The following ANHX variants were observed in gnomAD, a reference collection of about 807,000 sequenced individuals.
ANHX encodes the protein anomalous homeobox.
In ANHX, 20 loss-of-function variants were observed where a neutral mutation model predicts 38.9. That is an observed-to-expected ratio of 0.51 (90% CI 0.36 to 0.75). The LOEUF (loss-of-function observed/expected upper bound fraction) is 0.75. ANHX is among the 30% of genes least tolerant of loss of function. The pLI is 0.00. For synonymous variants in ANHX, 185 were observed against 203.1 expected, an observed-to-expected ratio of 0.91 and a Z score of 0.76; for missense variants, 475 against 493.1, an observed-to-expected ratio of 0.96 and a Z score of 0.35.
chr12:133,227,931 A>AGGGG lies in ANHX; in HGVS notation c.390_393dup (p.Ser132ProfsTer19). ...CTCTTCAGCCCCTCTGGGCAGAGGG[A>AGGGG]GGGGGGCGGGGGGTTCCTGGGTAAG... On this transcript the variant is annotated frameshift_variant, in exon 4 of 10. Coordinates refer to ENST00000545940, the MANE Select transcript of ANHX (RefSeq NM_001372060.1). LOFTEE classifies it high-confidence loss of function. 5 of 429,572 alleles carry AGGGG rather than the reference A, an allele frequency of 1.2e-5. No homozygotes were observed. The highest frequency in any genetic ancestry group is 5.8e-5 in the South Asian group (3 of 51,326). The allele number at this position is 429,572 out of a possible 1,614,324, so 26.6% of individuals were successfully genotyped here. A position where few individuals can be genotyped will look rare whatever the true frequency, so the allele number is the denominator to read the frequency against.
At chr12:133,235,775 C>T (rs1291668578) in intron 1 of ANHX, 32 bp downstream of exon 1, 1 of 141,050 alleles carries the variant, frequency 7.1e-6, no homozygotes, top group African/African-American at 2.7e-5. Context: ...GTCCCTCATC[C>T]TCCCGGACCC....
rs1225279687 is a variant in ANHX, at chr12:133,219,300, C to T, written c.1348G>A (p.Ala450Thr). ...GPVSAMELSQ[A>T]LPSSQVQCSD... ...AGCCTCACCTGGCTGGAGGGCAGGG[C>T]CTGGCTCAGCTCCATGGCAGACACA... Residue 450 changes from alanine (A) to threonine (T), a missense_variant, in exon 9 of 10, where the codon GCC (alanine) becomes ACC (threonine). Transcript: ENST00000545940. The T allele has an allele frequency of 4.6e-6, 7 of 1,535,416 alleles. No homozygotes were observed. In the Admixed American group the frequency reaches 1.2e-4, roughly 26 times the overall value.
Position 133,234,182 on chromosome 12 carries a change from C to T in ANHX, c.175G>A (p.Ala59Thr), listed in dbSNP as rs989441385. Residue 59 changes from alanine to threonine, a missense_variant, in exon 2 of 10, where the codon GCA becomes ACA. Coordinates refer to ENST00000545940, the MANE Select transcript of ANHX (RefSeq NM_001372060.1). ...SQLRLHLLDN[A>T]DVALACARVL... ...CGGGCGCACGCCAGGGCCACATCTG[C>T]GTTGTCCAGGAGATGCAGGCGGAGC... 56 of 1,536,066 alleles carry T rather than the reference C, an allele frequency of 3.6e-5. No individual in the cohort carries two copies. In the Middle Eastern group the frequency reaches 5.0e-4, roughly 14 times the overall value.
Position 133,234,330 on chromosome 12 carries a change from C to T in ANHX, c.27G>A (p.Lys9=). The T allele has an allele frequency of 6.5e-7, 1 of 1,535,998 alleles. No individual in the cohort carries two copies. Among genetic ancestry groups the T allele is most frequent in the Non-Finnish European group, 8.7e-7 (1 of 1,146,798 alleles). Residue 9 remains lysine, a synonymous_variant, in exon 2 of 10, where the codon AAG becomes AAA. Coordinates refer to ENST00000545940, the MANE Select transcript of ANHX (RefSeq NM_001372060.1). Reference sequence around the variant, plus strand: ...GGGGTGCACAGGTGTCCTCATGCTCCTTCAGCAGAGTCAGGAAGCTCTGCA... The same window carrying T: ...GGGGTGCACAGGTGTCCTCATGCTCTTTCAGCAGAGTCAGGAAGCTCTGCA... MQSFLTLL[K]EHEDTCAPPA...
At chr12:133,222,548 C>T (rs756718212) in intron 7 of ANHX, among the ~76,000 whole-genome samples, 2 of 152,112 alleles carry the variant, frequency 1.3e-5, no homozygotes, top group Non-Finnish European at 2.9e-5. Context: ...GTGAAGACAC[C>T]CATTGACCGT....
At position 133,226,950 on chromosome 12, in the gene ANHX, C is replaced by T; in HGVS notation, c.704G>A (p.Arg235Lys). The change falls in exon 5 of 10, where the codon AGG becomes AAG. Residue 235 changes from arginine to lysine, a missense_variant. By Grantham distance (26) the Arg-to-Lys change is conservative (BLOSUM62 2). Coordinates refer to ENST00000545940, the MANE Select transcript of ANHX (RefSeq NM_001372060.1). ...NPRVDSGFVD[R>K]PQWSEEREEK... ...AGGCCACTCACCTGACCACTGAGGC[C>T]TGTCCACAAACCCAGAGTCAACACG... is the stretch of plus-strand genomic sequence containing the variant. 1 of 1,528,790 alleles carries T rather than the reference C, an allele frequency of 6.5e-7. No individual in the cohort carries two copies. The highest frequency in any genetic ancestry group is 1.2e-5 in the South Asian group (1 of 83,012). The allele number at this position is 1,528,790 out of a possible 1,614,324, so 94.7% of individuals were successfully genotyped here.
chr12:133,225,169 A>AG (rs999091945), intron 7 of ANHX, among the ~76,000 whole-genome samples: 13 of 152,084 alleles, frequency 8.5e-5, no homozygotes, highest in Non-Finnish European at 1.6e-4. Flanking sequence ...CTACAGGCTA[A>AG]GGGGGGTGGA....
intron 7 of ANHX, among the ~76,000 whole-genome samples, chr12:133,224,823 C>T (rs868094826): frequency 2.0e-5 from 3 of 150,586 alleles, no homozygotes; most frequent in African/African-American, 2.5e-5. Flanking sequence ...AAAAATTAGC[C>T]AGGCGTGGTG....
At chr12:133,225,371 T>C (rs1387286056) in intron 7 of ANHX, among the ~76,000 whole-genome samples, 165 bp downstream of exon 7, 1 of 152,046 alleles carries the variant, frequency 6.6e-6, no homozygotes, top group African/African-American at 2.4e-5. Flanking sequence ...TAATCTGGGA[T>C]GTTTGTGGGA....
chr12:133,227,026 G>A lies in ANHX; in HGVS notation c.628C>T (p.Pro210Ser), dbSNP rs1317471591. Residue 210 changes from proline (P) to serine (S), a missense_variant, in exon 5 of 10, where the codon CCT becomes TCT. Coordinates refer to ENST00000545940, the MANE Select transcript of ANHX (RefSeq NM_001372060.1). ...KPAQQATAED[P>S]GARERGPDLL... ...TCAGGACCCCTCTCCCTCGCACCAG[G>A]GTCTTCAGCTGTGGCCTGCTGGGCT... 1.3e-6 allele frequency: 2 copies of A among 1,535,906 alleles called. No individual in the cohort carries two copies. The highest frequency in any genetic ancestry group is 1.7e-6 in the Non-Finnish European group (2 of 1,146,780).
rs921591430 is a variant in ANHX at position 133,220,916 on chromosome 12, G to T, written c.1280+289C>A. On this transcript the variant is annotated intron_variant, in intron 8 of 9. Coordinates refer to ENST00000545940, the MANE Select transcript of ANHX (RefSeq NM_001372060.1). ...CCAGAAACTGACAGTGTTTGTTCAG[G>T]GAAAAGAAAGGCTGCTGGGGTCCAG... Among the ~76,000 whole-genome samples the T allele has an allele frequency of 3.3e-5, 5 of 152,310 alleles. No individual in the cohort carries two copies. The South Asian group carries it at 8.3e-4, about 25-fold the overall frequency.
chr12:133,231,463 T>G, intron 3 of ANHX, 54 bp downstream of exon 3: 1 of 1,533,790 alleles, frequency 6.5e-7, no homozygotes, highest in Admixed American at 2.0e-5. Context: ...GCATGGTACA[T>G]CTAATCCCTT....
intron 2 of ANHX, among the ~76,000 whole-genome samples, chr12:133,232,140 T>C (rs1957287085): frequency 7.0e-6 from 1 of 142,660 alleles, no homozygotes; most frequent in Non-Finnish European, 1.5e-5. Flanking sequence ...AAGACCTTTG[T>C]CTCCCAGCAG....
At position 133,234,274 on chromosome 12, in the gene ANHX, A is replaced by G; in HGVS notation, c.83T>C (p.Leu28Pro). The G allele has an allele frequency of 6.5e-7, 1 of 1,536,198 alleles. No individual in the cohort carries two copies. The highest frequency in any genetic ancestry group is 8.7e-7 in the Non-Finnish European group (1 of 1,146,916). The change falls in exon 2 of 10, where the codon CTG becomes CCG. Residue 28 changes from leucine (L) to proline (P), a missense_variant. By Grantham distance (98) the Leu-to-Pro change is moderately conservative (BLOSUM62 -3). Transcript: ENST00000545940. ...PAELVTLAGR[L>P]CRDFQDDLAQ... ...AAGGTCATCCTGGAAGTCCCGGCAC[A>G]GTCTGCCCGCAAGGGTCACCAGCTC...
intron 9 of ANHX, 59 bp downstream of exon 9, chr12:133,219,224 A>G: frequency 7.0e-7 from 1 of 1,433,672 alleles, no homozygotes; most frequent in Non-Finnish European, 9.5e-7. Flanking sequence ...CCTCAGCACC[A>G]TGAGCTGCAG....
intron 3 of ANHX, 89 bp downstream of exon 3, chr12:133,231,428 C>A: frequency 6.7e-7 from 1 of 1,501,484 alleles, no homozygotes; most frequent in South Asian, 1.2e-5. Context: ...CTCACCTCCA[C>A]TTTGCTTCAG....
rs1957111636 is a variant in ANHX, at chr12:133,221,797, A to C, written c.1133-445T>G. 6.6e-6 allele frequency among the ~76,000 whole-genome samples: 1 copy of C among 152,182 alleles called. No individual in the cohort carries two copies. The highest frequency in any genetic ancestry group is 1.5e-5 in the Non-Finnish European group (1 of 68,028). ...AAGGTTACCAAGATGTCACTGAGGT[A>C]TAAGCTGTCACTAGTTTCCCCTCCC... On this transcript the variant is annotated intron_variant, in intron 7 of 9. Transcript: ENST00000545940. This position sits in a 1 kb window ranked among gnomAD's most constrained non-coding sequence, Gnocchi z 4.1.
At chr12:133,235,337 GA>G in intron 1 of ANHX, 1 of 152,250 alleles carries the variant, frequency 6.6e-6, no homozygotes, top group Non-Finnish European at 1.5e-5. Context: ...CTTCAGGAAG[GA>G]AAAAGGTTCC....
rs1046241630 is a variant in ANHX, at chr12:133,227,755, G to T, written c.501+69C>A. 6 of 1,513,762 alleles carry T rather than the reference G, an allele frequency of 4.0e-6. No individual in the cohort carries two copies. The African/African-American group carries it at 8.3e-5, about 21-fold the overall frequency. The allele number at this position is 1,513,762 out of a possible 1,614,324, so 93.8% of individuals were successfully genotyped here. A position where few individuals can be genotyped will look rare whatever the true frequency, so the allele number is the denominator to read the frequency against. ...AGGCCACTGAGGAGCCTGGGGTGGGGGTACCCCTTGGGGGACAGGGAGGCA... is the reference window on the plus strand; with the variant it reads ...AGGCCACTGAGGAGCCTGGGGTGGGTGTACCCCTTGGGGGACAGGGAGGCA... On this transcript the variant is annotated intron_variant, in intron 4 of 9. Coordinates refer to ENST00000545940, the MANE Select transcript of ANHX (RefSeq NM_001372060.1).
Sources: allele counts gnomAD v4.1 joint callset (sites outside exome capture counted in the v4.1 genomes callset), GRCh38; gene constraint gnomAD v4.1.1; non-coding constraint Gnocchi (gnomAD v3.1); transcripts MANE v1.5; gene names NCBI Gene and HGNC (gene_info 2026-07-23, HGNC 2026-07-21).